The following MAST2 variants were observed in gnomAD, a reference collection of about 807,000 sequenced individuals.
MAST2 encodes the protein microtubule-associated serine/threonine-protein kinase 2.
MAST2 carries 70 observed loss-of-function variants against 147.4 expected under a neutral mutation model. That is an observed-to-expected ratio of 0.47 (90% confidence interval 0.39 to 0.58). The LOEUF (loss-of-function observed/expected upper bound fraction) is 0.58, where lower values mean the gene tolerates loss of function less well. MAST2 is among the 20% of genes least tolerant of loss of function. The pLI, the probability that MAST2 is intolerant of heterozygous loss-of-function variation, is 0.00. For synonymous variants in MAST2, 869 were observed against 896.8 expected, an observed-to-expected ratio of 0.97 and a Z score of 0.55; for missense variants, 2,080 against 2,302.3, an observed-to-expected ratio of 0.90 and a Z score of 1.98.
chr1:45,923,629 GT>G (rs1177883771), intron 4 of MAST2, among the ~76,000 whole-genome samples: 9 of 152,156 alleles, frequency 5.9e-5, no homozygotes, highest in Non-Finnish European at 1.3e-4. Flanking sequence ...AGAAACCTGG[GT>G]AGTCTGGCTT....
chr1:45,878,904 C>T (rs1202590773), intron 3 of MAST2, among the ~76,000 whole-genome samples: 2 of 147,690 alleles, frequency 1.4e-5, no homozygotes, highest in Non-Finnish European at 3.0e-5. Flanking sequence ...TCACTTCTTT[C>T]CAAATTGATG....
At chr1:45,926,432 C>T (rs919901439) in intron 4 of MAST2, among the ~76,000 whole-genome samples, 3 of 119,440 alleles carry the variant, frequency 2.5e-5, no homozygotes, top group African/African-American at 9.1e-5. Flanking sequence ...TATTGCCTAC[C>T]ATATGTCCAT....
chr1:45,971,236 C>T (rs1471389667), intron 5 of MAST2, among the ~76,000 whole-genome samples: 5 of 152,168 alleles, frequency 3.3e-5, no homozygotes, highest in Non-Finnish European at 7.3e-5. Context: ...TTTGCCCAGA[C>T]CAAAGCTGGT....
rs186778292 is a variant in MAST2, at chr1:45,821,763, C to T, written c.178-2670C>T. Among the ~76,000 whole-genome samples the T allele has an allele frequency of 6.5e-4, 98 of 151,680 alleles. 1 individual carries two copies. Among genetic ancestry groups the T allele is most frequent in the East Asian group, 3.9e-3 (20 of 5,164 alleles). Reference sequence around the variant, plus strand: ...CAAACTCCTAACCTCATGATCTGCCCGCCTTGGCCTCTCAAAGTGCTGGGA... The same window carrying T: ...CAAACTCCTAACCTCATGATCTGCCTGCCTTGGCCTCTCAAAGTGCTGGGA... On this transcript the variant is annotated intron_variant, in intron 1 of 28. Transcript: ENST00000361297.
intron 5 of MAST2, among the ~76,000 whole-genome samples, chr1:45,970,121 C>T (rs569043504): frequency 6.2e-4 from 95 of 152,254 alleles, no homozygotes; most frequent in African/African-American, 2.2e-3. Context: ...CAGAATGCTC[C>T]GGCGCGTATC....
intron 5 of MAST2, among the ~76,000 whole-genome samples, chr1:45,992,144 C>G (rs1173723349): frequency 6.6e-6 from 1 of 151,994 alleles, no homozygotes; most frequent in African/African-American, 2.4e-5. Context: ...CGGATTCTCC[C>G]CATGAAGTAT....
Position 45,903,199 on chromosome 1 carries a change from G to A in MAST2, c.500+20804G>A, listed in dbSNP as rs530716287. 8.1e-5 allele frequency among the ~76,000 whole-genome samples: 10 copies of A among 123,748 alleles called. 1 individual carries two copies. Among genetic ancestry groups the A allele is most frequent in the African/African-American group, 2.2e-4 (7 of 31,522 alleles). The allele number at this position is 123,748 out of a possible 152,430, so 81.2% of individuals were successfully genotyped here. ...AGGCTGGATGCAGTGGCGTGATCTC[G>A]GCTTACTGCAACCTCTGCCTCCCAG... On this transcript the variant is annotated intron_variant, in intron 4 of 28. Coordinates refer to ENST00000361297, the MANE Select transcript of MAST2 (RefSeq NM_015112.3).
intron 3 of MAST2, among the ~76,000 whole-genome samples, chr1:45,832,729 C>T (rs2147840571): frequency 6.6e-6 from 1 of 151,946 alleles, no homozygotes; most frequent in South Asian, 2.1e-4. Flanking sequence ...TTACTGGAAC[C>T]TAGGCCAAGT....
intron 1 of MAST2, among the ~76,000 whole-genome samples, chr1:45,821,518 T>G (rs4130796): frequency 2.1e-5 from 1 of 46,548 alleles, no homozygotes; most frequent in Non-Finnish European, 4.5e-5. Context: ...ATTTCTTCTT[T>G]TTTTTTTTTT....
chr1:45,931,623 G>A (rs1008940735), intron 4 of MAST2, among the ~76,000 whole-genome samples: 1 of 151,946 alleles, frequency 6.6e-6, no homozygotes, highest in Non-Finnish European at 1.5e-5. Flanking sequence ...CTGAGTAGCT[G>A]GGACTACAGG....
At position 46,029,965 on chromosome 1, in the gene MAST2, G is replaced by A. The variant is rs201272337; in HGVS notation, c.2443+12G>A. On this transcript the variant is annotated intron_variant, in intron 20 of 28. Coordinates refer to ENST00000361297, the MANE Select transcript of MAST2 (RefSeq NM_015112.3). ...TAGCTATTTTGACAGTAAGGCCACC[G>A]ATGGGTGGGGTGGAGGATGGGTCCT... 2.5e-4 allele frequency: 403 copies of A among 1,613,824 alleles called. 3 individuals are homozygous for A. In the Middle Eastern group the frequency reaches 7.1e-3, roughly 28 times the overall value.
chr1:45,955,268 A>G (rs1659492016), intron 4 of MAST2, among the ~76,000 whole-genome samples: 1 of 152,146 alleles, frequency 6.6e-6, no homozygotes, highest in Admixed American at 6.6e-5. Context: ...CTCTTATATA[A>G]AAGAGCATAC....
intron 17 of MAST2, among the ~76,000 whole-genome samples, 157 bp downstream of exon 17, chr1:46,028,020 T>TGTA (rs1646490702): frequency 6.6e-6 from 1 of 152,312 alleles, no homozygotes; most frequent in South Asian, 2.1e-4. Context: ...TCTACATTTG[T>TGTA]GTACACATAC....
intron 3 of MAST2, among the ~76,000 whole-genome samples, chr1:45,880,979 AAAAG>A (rs567562475): frequency 2.0e-5 from 3 of 151,366 alleles, no homozygotes; most frequent in South Asian, 4.1e-4. Flanking sequence ...AAAAAAAAAA[AAAAG>A]AAAAGAAAAA....
At position 46,023,908 on chromosome 1, in the gene MAST2, C is replaced by T; in HGVS notation, c.1708C>T (p.Pro570Ser). The change falls in exon 15 of 29, where the codon CCC becomes TCC. Residue 570 changes from proline (P) to serine (S), a missense_variant. Physicochemically the swap from Pro to Ser is moderately conservative, Grantham distance 74 (BLOSUM62 -1). Transcript: ENST00000361297. This position sits in a 1 kb window ranked among gnomAD's most constrained non-coding sequence, Gnocchi z 4.9. ...ERDILTFAEN[P>S]FVVSMFCSFD... ...TGACATACTGACTTTCGCTGAGAAC[C>T]CCTTTGTGGTCAGCATGTTCTGCTC... 4 of 1,614,218 alleles carry T rather than the reference C, an allele frequency of 2.5e-6. No homozygotes were observed. Among genetic ancestry groups the T allele is most frequent in the Non-Finnish European group, 3.4e-6 (4 of 1,180,048 alleles).
chr1:45,825,062 G>T (rs1042798493), intron 2 of MAST2, among the ~76,000 whole-genome samples: 1 of 152,098 alleles, frequency 6.6e-6, no homozygotes, highest in Non-Finnish European at 1.5e-5. Context: ...GTTTCGCTCC[G>T]TAGCCCAGGC....
At position 46,029,361 on chromosome 1, in the gene MAST2, T is replaced by G. The variant is rs1646543851; in HGVS notation, c.2219-105T>G. On this transcript the variant is annotated intron_variant, in intron 18 of 28. Transcript: ENST00000361297. The stretch of plus-strand genomic sequence containing the variant: ...GGCAAGGCTTTCAGGGGCTCCAGGC[T>G]GGGTCCTTTTTGCCTCCTTTCCTTT... 4 of 855,478 alleles carry G rather than the reference T, an allele frequency of 4.7e-6. No homozygotes were observed. In the East Asian group the frequency reaches 1.0e-4, roughly 22 times the overall value. 53.0% of individuals were successfully genotyped at this position (855,478 alleles called of 1,614,324 possible). A position where few individuals can be genotyped will look rare whatever the true frequency, so the allele number is the denominator to read the frequency against.
chr1:45,823,778 A>G (rs1644709564), intron 1 of MAST2, among the ~76,000 whole-genome samples: 1 of 152,114 alleles, frequency 6.6e-6, no homozygotes, highest in African/African-American at 2.4e-5. Flanking sequence ...CTTATTTATT[A>G]TAATACTCCT....
chr1:46,030,288 G>A (rs371533006), intron 21 of MAST2, 50 bp downstream of exon 21: 12 of 1,566,338 alleles, frequency 7.7e-6, no homozygotes, highest in Middle Eastern at 1.9e-4. Context: ...AGGATCAGAA[G>A]AAGAGGGCCT....
Sources: gnomAD v4.1 joint callset for allele counts (sites outside exome capture counted in the v4.1 genomes callset) on GRCh38, gnomAD v4.1.1 for gene constraint, Gnocchi (gnomAD v3.1) non-coding constraint, MANE v1.5 for transcripts, NCBI Gene and HGNC (gene_info 2026-07-23, HGNC 2026-07-21) for gene names.